Variants in FSTL5 observed in about 807,000 individuals in gnomAD.
The protein encoded by FSTL5 is follistatin-related protein 5.
In FSTL5, 62 loss-of-function variants were observed where a neutral mutation model predicts 89.1. The ratio of observed to expected loss-of-function variants is 0.70; its 90% CI spans 0.57 to 0.86. FSTL5 has a LOEUF of 0.86. FSTL5 is among the 40% of genes least tolerant of loss of function. The probability of loss-of-function intolerance (pLI) is 0.00; values close to 1 mark genes in which losing one functional copy is unlikely to be tolerated. For missense variants in FSTL5, 1,057 were observed against 1,001.6 expected (o/e 1.06, Z -0.75); for synonymous variants, 383 against 346.2 (o/e 1.11, Z -1.18).
At chr4:161,972,799 A>C (rs979788462) in intron 3 of FSTL5, among the ~76,000 whole-genome samples, 3 of 152,222 alleles carry the variant, frequency 2.0e-5, no homozygotes, top group Non-Finnish European at 4.4e-5. Flanking sequence ...GTTTGTGGTA[A>C]TTTATTACCA....
At chr4:161,924,649 C>G (rs924927870) in intron 3 of FSTL5, among the ~76,000 whole-genome samples, 4 of 151,426 alleles carry the variant, frequency 2.6e-5, no homozygotes, top group Non-Finnish European at 5.9e-5. Flanking sequence ...CATGTAAGAC[C>G]TCACAAACAA....
chr4:161,947,149 T>C (rs1734759467), intron 3 of FSTL5, among the ~76,000 whole-genome samples: 2 of 151,834 alleles, frequency 1.3e-5, no homozygotes, highest in Admixed American at 6.6e-5. Context: ...TGTATGTGTG[T>C]GTGTGTGTGT....
chr4:161,572,311 C>T (rs1459106187), intron 8 of FSTL5, among the ~76,000 whole-genome samples: 2 of 109,074 alleles, frequency 1.8e-5, no homozygotes, highest in Admixed American at 1.3e-4. Context: ...TAGAGTGAGA[C>T]TCCGTCTAAA....
chr4:162,102,585 AATAG>A (rs901439960), intron 2 of FSTL5, among the ~76,000 whole-genome samples: 4 of 146,308 alleles, frequency 2.7e-5, no homozygotes, highest in African/African-American at 4.9e-5. Context: ...ATATATATAA[AATAG>A]ATATATATTT....
intron 15 of FSTL5, among the ~76,000 whole-genome samples, chr4:161,424,960 T>G (rs1223065324): frequency 6.6e-6 from 1 of 152,224 alleles, no homozygotes; most frequent in African/African-American, 2.4e-5. Context: ...CATTGTTCTG[T>G]TTTCTTGTTC....
intron 4 of FSTL5, among the ~76,000 whole-genome samples, chr4:161,818,650 T>C (rs964783180): frequency 6.6e-6 from 1 of 152,220 alleles, no homozygotes; most frequent in Non-Finnish European, 1.5e-5. Context: ...CGCACTGCGA[T>C]GGGGACAAGG....
intron 3 of FSTL5, among the ~76,000 whole-genome samples, chr4:161,984,499 A>G (rs1735908920): frequency 1.3e-5 from 2 of 152,244 alleles, no homozygotes; most frequent in Admixed American, 6.5e-5. Context: ...AAAATGTATT[A>G]GAAATAATTC....
chr4:161,939,118 A>G (rs1734510709), intron 3 of FSTL5, among the ~76,000 whole-genome samples: 1 of 151,894 alleles, frequency 6.6e-6, no homozygotes, highest in Non-Finnish European at 1.5e-5. Context: ...AATGCAAAGG[A>G]TGTTGATAAA....
intron 12 of FSTL5, among the ~76,000 whole-genome samples, chr4:161,494,549 T>G (rs1309739128): frequency 6.6e-6 from 1 of 152,186 alleles, no homozygotes; most frequent in Admixed American, 6.6e-5. Flanking sequence ...TTCAATTTCT[T>G]GAAACGTAAG....
At chr4:161,935,837 C>A (rs1734417164) in intron 3 of FSTL5, among the ~76,000 whole-genome samples, 1 of 152,120 alleles carries the variant, frequency 6.6e-6, no homozygotes, top group South Asian at 2.1e-4. Flanking sequence ...ATGAGAAATG[C>A]ACAGAATGAG....
At chr4:162,039,012 T>C (rs1737846805) in intron 2 of FSTL5, among the ~76,000 whole-genome samples, 1 of 151,814 alleles carries the variant, frequency 6.6e-6, no homozygotes, top group South Asian at 2.1e-4. Context: ...TATATATACA[T>C]ATGATGTTAC....
chr4:161,575,408 G>A (rs1733173686), intron 8 of FSTL5, among the ~76,000 whole-genome samples: 1 of 151,970 alleles, frequency 6.6e-6, no homozygotes, highest in East Asian at 1.9e-4. Flanking sequence ...TAGTTATGAA[G>A]TCTTTGCCCA....
chr4:162,146,463 AG>A (rs77698681), intron 1 of FSTL5, among the ~76,000 whole-genome samples: 35,316 of 152,004 alleles, frequency 0.23, 4,286 homozygotes, highest in Non-Finnish European at 0.26. Context: ...ATTTTATAAT[AG>A]GCTTTAGATT....
intron 4 of FSTL5, among the ~76,000 whole-genome samples, chr4:161,861,512 A>G (rs1376132568): frequency 6.6e-6 from 1 of 152,146 alleles, no homozygotes; most frequent in Non-Finnish European, 1.5e-5. Context: ...GAAGGCCTAA[A>G]TGCTAATTGA....
At chr4:161,602,224 A>T (rs1734270538) in intron 7 of FSTL5, among the ~76,000 whole-genome samples, 1 of 142,916 alleles carries the variant, frequency 7.0e-6, no homozygotes, top group Non-Finnish European at 1.5e-5. Context: ...ACACAGAGAG[A>T]GAGTGAGAGA....
At chr4:161,910,309 A>T (rs548925432) in intron 4 of FSTL5, among the ~76,000 whole-genome samples, 1 of 152,142 alleles carries the variant, frequency 6.6e-6, no homozygotes, top group Admixed American at 6.6e-5. Context: ...CTCATTCTTC[A>T]CTTCATCTTA....
At chr4:162,108,774 CTAGA>C (rs1731326134) in intron 2 of FSTL5, among the ~76,000 whole-genome samples, 2 of 151,324 alleles carry the variant, frequency 1.3e-5, no homozygotes, top group African/African-American at 4.8e-5. Flanking sequence ...TAATTATTAA[CTAGA>C]TAAATAGAAA....
At chr4:161,848,978 C>T (rs533992454) in intron 4 of FSTL5, among the ~76,000 whole-genome samples, 7 of 151,930 alleles carry the variant, frequency 4.6e-5, no homozygotes, top group South Asian at 4.2e-4. Context: ...GAGGCAGGGG[C>T]GAATATGGCT....
intron 4 of FSTL5, among the ~76,000 whole-genome samples, chr4:161,880,900 T>C (rs1023439644): frequency 3.3e-5 from 5 of 152,054 alleles, no homozygotes; most frequent in Admixed American, 6.6e-5. Context: ...AAAGAGAAGA[T>C]GTGATCATAA....
Sources: gnomAD v4.1 joint callset for allele counts (sites outside exome capture counted in the v4.1 genomes callset) on GRCh38, gnomAD v4.1.1 for gene constraint, MANE v1.5 for transcripts, NCBI Gene and HGNC (gene_info 2026-07-23, HGNC 2026-07-21) for gene names.